METAP1D: variants seen among roughly 807,000 people sequenced by gnomAD.
METAP1D encodes the protein methionyl aminopeptidase type 1D, mitochondrial.
In METAP1D, 31 loss-of-function variants were observed where a neutral mutation model predicts 40.5. The ratio of observed to expected loss-of-function variants is 0.77; its 90% confidence interval spans 0.58 to 1.03. The LOEUF is 1.03. Among genes scored for constraint, METAP1D ranks in the 50% least tolerant of loss-of-function variants. The probability of loss-of-function intolerance (pLI) is 0.00; values close to 1 mark genes in which losing one functional copy is unlikely to be tolerated. For synonymous variants in METAP1D, 151 were observed against 146.4 expected, an observed-to-expected ratio of 1.03 and a Z score of -0.22; for missense variants, 411 against 420.7, an observed-to-expected ratio of 0.98 and a Z score of 0.20.
intron 2 of METAP1D, among the ~76,000 whole-genome samples, chr2:172,062,669 G>A (rs1351002554): frequency 6.6e-6 from 1 of 152,206 alleles, no homozygotes; most frequent in Non-Finnish European, 1.5e-5. Flanking sequence ...GTAGCTGTGG[G>A]AGAGTAGATG....
chr2:172,014,403 T>C (rs1000131599), intron 1 of METAP1D, among the ~76,000 whole-genome samples: 2 of 151,978 alleles, frequency 1.3e-5, no homozygotes, highest in Non-Finnish European at 2.9e-5. Context: ...TGAGCCACCG[T>C]GCCTGGTCAG....
intron 1 of METAP1D, among the ~76,000 whole-genome samples, chr2:172,052,029 C>T (rs1057466541): frequency 1.4e-4 from 22 of 152,162 alleles, no homozygotes; most frequent in African/African-American, 4.3e-4. Flanking sequence ...TCAAGGACAA[C>T]ACGGTTGGAT....
chr2:172,047,000 T>A (rs940652088), intron 1 of METAP1D, among the ~76,000 whole-genome samples: 2 of 152,236 alleles, frequency 1.3e-5, no homozygotes, highest in African/African-American at 4.8e-5. Flanking sequence ...TAAATAGGTC[T>A]GTGAGTCACT....
intron 1 of METAP1D, among the ~76,000 whole-genome samples, chr2:172,001,032 G>T (rs1688449989): frequency 6.6e-6 from 1 of 152,070 alleles, no homozygotes; most frequent in South Asian, 2.1e-4. Flanking sequence ...CAGTGAGTTA[G>T]GAATTATTTT....
At chr2:172,013,449 T>A (rs1001339615) in intron 1 of METAP1D, among the ~76,000 whole-genome samples, 2 of 152,070 alleles carry the variant, frequency 1.3e-5, no homozygotes, top group African/African-American at 4.8e-5. Flanking sequence ...AGGTGACAGG[T>A]CTCAGGAGTC....
chr2:172,036,390 CT>C (rs1395368583), intron 1 of METAP1D, among the ~76,000 whole-genome samples: 106 of 139,364 alleles, frequency 7.6e-4, no homozygotes, highest in Middle Eastern at 3.7e-3. Context: ...CCACCTTTTT[CT>C]TTTTTTTTTT....
At chr2:172,030,272 A>G (rs1332045500) in intron 1 of METAP1D, among the ~76,000 whole-genome samples, 1 of 151,218 alleles carries the variant, frequency 6.6e-6, no homozygotes, top group East Asian at 1.9e-4. Flanking sequence ...TTTTATTTTT[A>G]TTAGAGACGG....
chr2:172,065,545 G>A (rs1399597595), intron 3 of METAP1D, 59 bp from the exon 4 acceptor site: 3 of 1,570,464 alleles, frequency 1.9e-6, no homozygotes, highest in Non-Finnish European at 2.6e-6. Context: ...TAGCATAGTT[G>A]ATAAATACAA....
intron 1 of METAP1D, among the ~76,000 whole-genome samples, chr2:172,024,768 G>GTA (rs1162653178): frequency 3.3e-5 from 2 of 60,268 alleles, no homozygotes; most frequent in Non-Finnish European, 9.9e-5. Context: ...GTGTGTGTGT[G>GTA]TGTGTGTGTG....
intron 1 of METAP1D, among the ~76,000 whole-genome samples, chr2:172,048,625 ACT>A (rs374350373): frequency 6.6e-6 from 1 of 152,312 alleles, no homozygotes; most frequent in Non-Finnish European, 1.5e-5. Context: ...TAAATTTCAC[ACT>A]GTTTCCTTCT....
intron 5 of METAP1D, 114 bp from the exon 6 acceptor site, chr2:172,070,793 A>C (rs1690401537): frequency 2.5e-6 from 2 of 802,008 alleles, no homozygotes; most frequent in Non-Finnish European, 3.6e-6. Flanking sequence ...GCAAATGAAT[A>C]ATTCTGGAAG....
In METAP1D at chr2:172,028,572, G is replaced by C. The variant is rs972765309; in HGVS notation, c.40+28563G>C. The stretch of plus-strand genomic sequence containing the variant: ...TGTGTGTGTGTGTGTGTGTGTGTGT[G>C]TGTGTGTGTGTGTGTGTGTGTGTTT... On this transcript the variant is annotated intron_variant, in intron 1 of 9. Coordinates refer to ENST00000315796, the MANE Select transcript of METAP1D (RefSeq NM_199227.3). 3.8e-4 allele frequency among the ~76,000 whole-genome samples: 57 copies of C among 148,062 alleles called. 2 individuals carry two copies. The highest frequency in any genetic ancestry group is 1.4e-3 in the African/African-American group (55 of 38,454).
At chr2:172,058,502 T>A (rs1046138920) in intron 1 of METAP1D, among the ~76,000 whole-genome samples, 3 of 152,022 alleles carry the variant, frequency 2.0e-5, no homozygotes, top group Admixed American at 6.6e-5. Flanking sequence ...GGAAATATTA[T>A]ACTTTAAAAG....
At chr2:172,052,243 C>G (rs1386171563) in intron 1 of METAP1D, among the ~76,000 whole-genome samples, 1 of 151,978 alleles carries the variant, frequency 6.6e-6, no homozygotes, top group Non-Finnish European at 1.5e-5. Flanking sequence ...TTAATTAGGC[C>G]AAAAAAATGT....
In METAP1D at chr2:172,073,407, A is replaced by G. The variant is rs564607324; in HGVS notation, c.704+2337A>G. Among the ~76,000 whole-genome samples, 6 of 152,240 alleles carry G rather than the reference A, an allele frequency of 3.9e-5. No individual in the cohort carries two copies. The East Asian group carries it at 1.2e-3, about 29-fold the overall frequency. ...TTAAAAAAAAAAGAAGAAGAAGAAG[A>G]AGAGTAGAATTGAAAGTGACATTGG... On this transcript the variant is annotated intron_variant, in intron 6 of 9. Transcript: ENST00000315796.
chr2:172,061,114 A>G (rs1012583102), intron 1 of METAP1D, among the ~76,000 whole-genome samples: 5 of 152,194 alleles, frequency 3.3e-5, no homozygotes, highest in African/African-American at 1.2e-4. Flanking sequence ...TTGAAAGGAA[A>G]CGGCTTTACA....
intron 1 of METAP1D, among the ~76,000 whole-genome samples, chr2:172,004,472 C>T (rs1189680729): frequency 3.3e-5 from 5 of 151,976 alleles, no homozygotes; most frequent in Admixed American, 6.6e-5. Flanking sequence ...TACAAGCATC[C>T]GCCGCCATGC....
chr2:172,044,896 AT>A (rs146352330), intron 1 of METAP1D, among the ~76,000 whole-genome samples: 32,347 of 132,162 alleles, frequency 0.24, 9,665 homozygotes, highest in Non-Finnish European at 0.36. Flanking sequence ...CTCAAAAAAA[AT>A]AAATAAATAA....
At chr2:172,000,626 G>A (rs922013141) in intron 1 of METAP1D, among the ~76,000 whole-genome samples, 3 of 152,124 alleles carry the variant, frequency 2.0e-5, no homozygotes, top group African/African-American at 7.2e-5. Flanking sequence ...GAACTAGAAA[G>A]TTTTTCCAAG....
Sources: gnomAD v4.1 joint callset for allele counts (sites outside exome capture counted in the v4.1 genomes callset) on GRCh38, gnomAD v4.1.1 for gene constraint, MANE v1.5 for transcripts, NCBI Gene and HGNC (gene_info 2026-07-23, HGNC 2026-07-21) for gene names.